Variants in DMD observed in about 807,000 individuals in gnomAD.
DMD encodes the protein dystrophin.
A neutral mutation model predicts 330.1 loss-of-function variants in DMD; 63 were observed. The observed-to-expected ratio is 0.19, with a 90% confidence interval of 0.16 to 0.24. The LOEUF is 0.24. Ranked by LOEUF, DMD falls within the 10% of genes least tolerant of loss-of-function variation. The probability of loss-of-function intolerance (pLI) is 1.00; values close to 1 mark genes in which losing one functional copy is unlikely to be tolerated. For missense variants in DMD, 3,344 were observed against 2,684.1 expected, an observed-to-expected ratio of 1.25 and a Z score of -5.43; for synonymous variants, 1,223 against 959.8, an observed-to-expected ratio of 1.27 and a Z score of -5.07.
chrX:33,150,125 G>A (rs2048206968), intron 1 of DMD, among the ~76,000 whole-genome samples: 1 of 110,422 alleles, frequency 9.1e-6, no homozygotes. Flanking sequence ...CTTTGGGAGA[G>A]GGATATTAGA....
chrX:32,317,402 T>C (rs1027920583), intron 41 of DMD, among the ~76,000 whole-genome samples: 19 of 111,598 alleles, frequency 1.7e-4, no homozygotes, highest in Admixed American at 4.8e-4. Context: ...TTTAAGATTC[T>C]GAGCTGTGTA....
intron 7 of DMD, among the ~76,000 whole-genome samples, chrX:32,767,850 C>CTA (rs759683253): frequency 8.1e-5 from 9 of 111,681 alleles, no homozygotes; most frequent in Admixed American, 5.7e-4. Context: ...TGATGCTCAT[C>CTA]TATATATATA....
chrX:33,241,449 C>T (rs2052585069), intron 1 of DMD, among the ~76,000 whole-genome samples: 1 of 111,521 alleles, frequency 9.0e-6, no homozygotes, highest in Non-Finnish European at 1.9e-5. Flanking sequence ...GTTTTGGTTA[C>T]CATAGCTTTG....
chrX:33,119,827 G>C (rs964726777), intron 1 of DMD, among the ~76,000 whole-genome samples: 1 of 111,667 alleles, frequency 9.0e-6, no homozygotes, highest in Non-Finnish European at 1.9e-5. Context: ...GGGTAAATTA[G>C]ACTAGGATGG....
Position 32,581,880 on chromosome X carries a change from G to A in DMD, c.1603-8034C>T, listed in dbSNP as rs2053691766. The stretch of plus-strand genomic sequence containing the variant: ...ATCCAGGTTTAGTTTATTACAGGAA[G>A]AAAGGCTTTTTTAGCATTAGAAAAC... On this transcript the variant is annotated intron_variant, in intron 13 of 78. Transcript: ENST00000357033. Among the ~76,000 whole-genome samples the A allele has an allele frequency of 9.8e-5, 11 of 111,977 alleles. No homozygotes were observed. In the South Asian group the frequency reaches 4.1e-3, roughly 41 times the overall value.
At chrX:32,108,566 A>G (rs1266516930) in intron 44 of DMD, among the ~76,000 whole-genome samples, 1 of 111,978 alleles carries the variant, frequency 8.9e-6, no homozygotes, top group African/African-American at 3.2e-5. Context: ...AAATGAGTTA[A>G]TGATACTGAG....
At chrX:31,491,758 T>C (rs2069324805) in intron 57 of DMD, among the ~76,000 whole-genome samples, 1 of 111,496 alleles carries the variant, frequency 9.0e-6, no homozygotes, top group African/African-American at 3.3e-5. Flanking sequence ...AGAAGAACCA[T>C]ATATCTCTCC....
chrX:33,308,656 C>T (rs986620809), intron 1 of DMD, among the ~76,000 whole-genome samples: 2 of 111,435 alleles, frequency 1.8e-5, no homozygotes, highest in Non-Finnish European at 3.8e-5. Context: ...TTTGGAATTC[C>T]TTTTCTTTTT....
At chrX:33,087,230 G>T (rs2095021252) in intron 1 of DMD, among the ~76,000 whole-genome samples, 1 of 112,061 alleles carries the variant, frequency 8.9e-6, no homozygotes, top group East Asian at 2.8e-4. Flanking sequence ...CTAAATTAAA[G>T]TTGTTATTTA....
intron 59 of DMD, among the ~76,000 whole-genome samples, chrX:31,472,460 G>C (rs1398267700): frequency 8.9e-6 from 1 of 112,401 alleles, no homozygotes; most frequent in Non-Finnish European, 1.9e-5. Flanking sequence ...GAAGATAGTT[G>C]CATGAACATG....
At chrX:31,567,756 G>A (rs1332056248) in intron 55 of DMD, among the ~76,000 whole-genome samples, 1 of 109,898 alleles carries the variant, frequency 9.1e-6, no homozygotes, top group Non-Finnish European at 1.9e-5. Context: ...CAGAGAAAAA[G>A]ACTAGATTAC....
chrX:32,280,034 A>ATATG (rs1306291465), intron 43 of DMD, among the ~76,000 whole-genome samples: 10 of 48,721 alleles, frequency 2.1e-4, no homozygotes, highest in African/African-American at 4.7e-4. Context: ...ACATATATAT[A>ATATG]TACCCCACAT....
intron 37 of DMD, among the ~76,000 whole-genome samples, chrX:32,357,804 T>C (rs746292375): frequency 1.8e-5 from 2 of 110,922 alleles, no homozygotes; most frequent in Non-Finnish European, 3.8e-5. Context: ...TTCAGCCTTA[T>C]CATCCACAAC....
chrX:31,697,492 C>A (rs1479424073), intron 52 of DMD, among the ~76,000 whole-genome samples: 1 of 111,373 alleles, frequency 9.0e-6, no homozygotes, highest in Non-Finnish European at 1.9e-5. Flanking sequence ...TGAGACCCAG[C>A]ATGTGTCCTG....
At position 33,194,460 on chromosome X, in the gene DMD, T is replaced by C; in HGVS notation, c.31+16822A>G. On this transcript the variant is annotated intron_variant, in intron 1 of 78. Coordinates refer to ENST00000357033, the MANE Select transcript of DMD (RefSeq NM_004006.3). ...TTTAGTTGAAGATAATACAATAATA[T>C]ACACTTTCATTAAGAAAAAATTTAA... Among the ~76,000 whole-genome samples, 2 of 110,889 alleles carry C rather than the reference T, an allele frequency of 1.8e-5. 1 individual carries two copies. The highest frequency in any genetic ancestry group is 8.4e-3 in the Middle Eastern group (2 of 237).
chrX:32,261,353 T>C, intron 43 of DMD, among the ~76,000 whole-genome samples: 1 of 111,563 alleles, frequency 9.0e-6, no homozygotes, highest in Non-Finnish European at 1.9e-5. Context: ...TTGCGATTGA[T>C]GTCCAGGAGA....
intron 41 of DMD, among the ~76,000 whole-genome samples, chrX:32,335,953 T>C (rs983219251): frequency 9.4e-6 from 1 of 106,663 alleles, no homozygotes. Flanking sequence ...GTGTATGTTA[T>C]ATATAACGTG....
intron 44 of DMD, among the ~76,000 whole-genome samples, chrX:32,142,153 G>A (rs1442420463): frequency 9.0e-6 from 1 of 110,974 alleles, no homozygotes; most frequent in African/African-American, 3.3e-5. Context: ...ACTCTCCTTG[G>A]AGAGGATTAC....
Position 31,658,005 on chromosome X carries a change from C to G in DMD, c.8012G>C (p.Arg2671Thr). ...TAATTCATACCTTTTATGAATGCTTCTCCAAGAGGCATTGATATTCTCTGT... is the reference window on the plus strand; with the variant it reads ...TAATTCATACCTTTTATGAATGCTTGTCCAAGAGGCATTGATATTCTCTGT... ...MITENINASW[R>T]SIHKRVSERE... Residue 2671 changes from arginine to threonine, a missense_variant, in exon 54 of 79, where the codon AGA becomes ACA. Arg to Thr is a moderately conservative substitution (Grantham distance 71, BLOSUM62 -1). Transcript: ENST00000357033. The G allele has an allele frequency of 8.3e-7, 1 of 1,209,783 alleles. No individual in the cohort carries two copies. Among genetic ancestry groups the G allele is most frequent in the Non-Finnish European group, 1.1e-6 (1 of 893,738 alleles).
Sources: gnomAD v4.1 joint callset for allele counts (sites outside exome capture counted in the v4.1 genomes callset) on GRCh38, gnomAD v4.1.1 for gene constraint, MANE v1.5 for transcripts, NCBI Gene and HGNC (gene_info 2026-07-23, HGNC 2026-07-21) for gene names.